Variants in KIAA0586 observed in about 807,000 individuals in gnomAD.
KIAA0586 encodes the protein protein TALPID3.
In KIAA0586, 144 loss-of-function variants were observed where a neutral mutation model predicts 169.8. The ratio of observed to expected loss-of-function variants is 0.85; its 90% CI spans 0.74 to 0.97. KIAA0586 has a LOEUF of 0.97. Among genes scored for constraint, KIAA0586 ranks in the 50% least tolerant of loss-of-function variants. KIAA0586 has a pLI of 0.00. For missense variants in KIAA0586, 1,854 were observed against 1,823.0 expected, an observed-to-expected ratio of 1.02 and a Z score of -0.31; for synonymous variants, 625 against 612.4, an observed-to-expected ratio of 1.02 and a Z score of -0.30.
intron 8 of KIAA0586, among the ~76,000 whole-genome samples, chr14:58,452,514 C>T (rs1378746029): frequency 6.6e-6 from 1 of 152,164 alleles, no homozygotes; most frequent in African/African-American, 2.4e-5. Context: ...TACATACAAA[C>T]AAGGCTAAAG....
chr14:58,543,508 C>G (rs1334713037), intron 30 of KIAA0586, among the ~76,000 whole-genome samples: 1 of 152,092 alleles, frequency 6.6e-6, no homozygotes, highest in Non-Finnish European at 1.5e-5. Context: ...TTCTCTTATC[C>G]CCTCTGCCTT....
Position 58,482,598 on chromosome 14 carries a change from C to T in KIAA0586, c.3030C>T (p.Asn1010=), listed in dbSNP as rs769869324. The change falls in exon 21 of 31, where the codon AAC becomes AAT. Residue 1010 remains asparagine (N), a synonymous_variant. Transcript: ENST00000652326. The part of the protein sequence containing the change: ...VNSNVIKHFV[N]EALAETIAVM... ...CAAATGTGATTAAACATTTTGTTAA[C>T]GAAGCTCTTGCTGAGACCATTGCTG... 1.4e-5 allele frequency: 23 copies of T among 1,605,278 alleles called. No homozygotes were observed. Among genetic ancestry groups the T allele is most frequent in the East Asian group, 2.3e-5 (1 of 44,372 alleles).
At position 58,540,152 on chromosome 14, in the gene KIAA0586, TA is replaced by T; in HGVS notation, c.4495+20del. On this transcript the variant is annotated intron_variant, in intron 30 of 30. Coordinates refer to ENST00000652326, the MANE Select transcript of KIAA0586 (RefSeq NM_001329943.3). ...GTATTTTCAGGTAAGATTTTTACTT[TA>T]AAAGTTCTTGAACTTGGAGCTGTTC... 2.1e-6 allele frequency: 3 copies of T among 1,458,344 alleles called. No homozygotes were observed. The highest frequency in any genetic ancestry group is 2.8e-6 in the Non-Finnish European group (3 of 1,065,514). The allele number at this position is 1,458,344 out of a possible 1,614,324, so 90.3% of individuals were successfully genotyped here.
intron 17 of KIAA0586, 146 bp from the exon 18 acceptor site, chr14:58,472,053 A>G (rs899934796): frequency 2.3e-5 from 9 of 393,510 alleles, no homozygotes; most frequent in African/African-American, 1.5e-4. Flanking sequence ...TCATTTACTA[A>G]TTAAATCAAT....
intron 26 of KIAA0586, among the ~76,000 whole-genome samples, chr14:58,496,119 TC>T (rs376933218): frequency 6.6e-6 from 1 of 152,350 alleles, no homozygotes; most frequent in East Asian, 1.9e-4. Context: ...GCTTGAAACT[TC>T]TTGCTTAGAG....
chr14:58,430,440 C>G (rs2037264537), intron 2 of KIAA0586, among the ~76,000 whole-genome samples: 1 of 152,172 alleles, frequency 6.6e-6, no homozygotes. Flanking sequence ...CATTCATTCA[C>G]TTGTCTGATA....
intron 19 of KIAA0586, 104 bp from the exon 20 acceptor site, chr14:58,477,019 G>T: frequency 3.4e-6 from 2 of 586,196 alleles, no homozygotes; most frequent in Non-Finnish European, 3.1e-6. Flanking sequence ...CAACATGTTT[G>T]TGGCATTGGT....
chr14:58,531,516 A>G (rs1285818339), intron 29 of KIAA0586, among the ~76,000 whole-genome samples: 2 of 152,268 alleles, frequency 1.3e-5, no homozygotes, highest in South Asian at 2.1e-4. Flanking sequence ...TAGAATGGCG[A>G]TCATTAGAAA....
the KIAA0586 span, among the ~76,000 whole-genome samples, chr14:58,557,592 A>G: frequency 3.9e-5 from 6 of 152,148 alleles, no homozygotes; most frequent in Non-Finnish European, 7.4e-5. Flanking sequence ...CAGAGAGCCA[A>G]TAGACTACTG....
intron 9 of KIAA0586, among the ~76,000 whole-genome samples, chr14:58,456,482 T>C (rs1837304011): frequency 6.6e-6 from 1 of 152,204 alleles, no homozygotes; most frequent in African/African-American, 2.4e-5. Flanking sequence ...ACATCTAAAC[T>C]TTTCTGGTTA....
At chr14:58,427,672 A>G, upstream of KIAA0586, 2 of 1,535,582 alleles carry the variant, frequency 1.3e-6, no homozygotes, top group South Asian at 2.4e-5. Context: ...GTTGTGTCTC[A>G]AGGGCGGGTT....
chr14:58,441,628 TTTTTG>T (rs772557805), intron 4 of KIAA0586, among the ~76,000 whole-genome samples: 10 of 152,108 alleles, frequency 6.6e-5, no homozygotes, highest in Non-Finnish European at 1.0e-4. Context: ...CAGACCAAAC[TTTTTG>T]TTTTATTTTA....
intron 16 of KIAA0586, among the ~76,000 whole-genome samples, chr14:58,469,751 A>AGGT (rs1566846999): frequency 6.6e-6 from 1 of 152,238 alleles, no homozygotes; most frequent in Non-Finnish European, 1.5e-5. Flanking sequence ...GGACATGAAT[A>AGGT]AGACTCTACA....
intron 29 of KIAA0586, among the ~76,000 whole-genome samples, chr14:58,538,961 G>T (rs925174781): frequency 6.6e-6 from 1 of 152,026 alleles, no homozygotes; most frequent in African/African-American, 2.4e-5. Flanking sequence ...TGTATTTTTT[G>T]TAGAGACTAG....
At position 58,482,505 on chromosome 14, in the gene KIAA0586, A is replaced by G; in HGVS notation, c.2945-8A>G. 2 of 1,434,644 alleles carry G rather than the reference A, an allele frequency of 1.4e-6. No homozygotes were observed. The highest frequency in any genetic ancestry group is 1.8e-6 in the Non-Finnish European group (2 of 1,086,056). The allele number at this position is 1,434,644 out of a possible 1,614,324, so 88.9% of individuals were successfully genotyped here. A position where few individuals can be genotyped will look rare whatever the true frequency, so the allele number is the denominator to read the frequency against. On this transcript the variant is annotated splice_polypyrimidine_tract_variant and splice_region_variant and intron_variant, in intron 20 of 30. Transcript: ENST00000652326. ...CCACTTATTCTGATTTTTTTTTTTT[A>G]CTTTTAGTGGAAGGAACAAGCAGTG... is the stretch of plus-strand genomic sequence containing the variant.
downstream of KIAA0586, among the ~76,000 whole-genome samples, chr14:58,554,204 A>G (rs1449707417): frequency 6.6e-6 from 1 of 151,954 alleles, no homozygotes; most frequent in Non-Finnish European, 1.5e-5. Context: ...TTGTTGCCCA[A>G]ACTAAGTCAT....
At chr14:58,434,429 C>A (rs1566776417) in intron 4 of KIAA0586, among the ~76,000 whole-genome samples, 1 of 152,100 alleles carries the variant, frequency 6.6e-6, no homozygotes, top group Non-Finnish European at 1.5e-5. Flanking sequence ...TGTTTGAGTT[C>A]TTGAAAAATT....
At chr14:58,464,404 CTT>C (rs1370455094) in intron 14 of KIAA0586, among the ~76,000 whole-genome samples, 3 of 130,786 alleles carry the variant, frequency 2.3e-5, no homozygotes, top group Non-Finnish European at 4.8e-5. Flanking sequence ...AAAACTAAAA[CTT>C]TGGCAGTTCC....
At position 58,465,988 on chromosome 14, in the gene KIAA0586, G is replaced by T. The variant is rs2040734973; in HGVS notation, c.2213G>T (p.Gly738Val). 6.2e-7 allele frequency: 1 copy of T among 1,612,888 alleles called. No individual in the cohort carries two copies. The highest frequency in any genetic ancestry group is 1.7e-5 in the Admixed American group (1 of 59,908). The change falls in exon 15 of 31, where the codon GGT (glycine) becomes GTT (valine). Residue 738 changes from glycine (G) to valine (V), a missense_variant. By Grantham distance (109) the Gly-to-Val change is moderately radical. Transcript: ENST00000652326. Reference protein sequence around the residue: ...SPSREMPTFSGTLEGHLIPMA... With the variant: ...SPSREMPTFSVTLEGHLIPMA... The stretch of plus-strand genomic sequence containing the variant: ...AGTAGAGAAATGCCTACTTTTTCAG[G>T]TACATTGGAAGGTCATCTGATTCCT...
Sources: gnomAD v4.1 joint callset for allele counts (sites outside exome capture counted in the v4.1 genomes callset) on GRCh38, gnomAD v4.1.1 for gene constraint, MANE v1.5 for transcripts, NCBI Gene and HGNC (gene_info 2026-07-23, HGNC 2026-07-21) for gene names.